Variants in KSR2 observed in about 807,000 individuals in gnomAD.
The protein encoded by KSR2 is kinase suppressor of ras 2.
In KSR2, 25 loss-of-function variants were observed where a neutral mutation model predicts 107.8. The observed-to-expected ratio is 0.23, with a 90% CI of 0.17 to 0.32. KSR2 has a LOEUF of 0.32. Ranked by LOEUF, KSR2 falls within the 10% of genes least tolerant of loss-of-function variation. KSR2 has a pLI of 1.00. For synonymous variants in KSR2, 480 were observed against 507.0 expected (o/e 0.95, Z 0.71); for missense variants, 887 against 1,268.9 (o/e 0.70, Z 4.57).
chr12:117,877,661 T>A (rs1893902730), intron 1 of KSR2, among the ~76,000 whole-genome samples: 1 of 152,000 alleles, frequency 6.6e-6, no homozygotes, highest in Admixed American at 6.6e-5. Context: ...AAGCACAGAG[T>A]AACAATGGAA....
chr12:117,662,906 G>A (rs994840581), intron 5 of KSR2, among the ~76,000 whole-genome samples: 5 of 152,176 alleles, frequency 3.3e-5, no homozygotes, highest in Non-Finnish European at 7.3e-5. Flanking sequence ...TGAATGAGTC[G>A]CAGGAGCTTC....
chr12:117,821,507 T>C lies in KSR2; in HGVS notation c.472+33921A>G, dbSNP rs977523132. ...TGTAGGAATACGTATATTCATAACATACAAAATATGTGTTAACTGACTTCA... is the reference window on the plus strand; with the variant it reads ...TGTAGGAATACGTATATTCATAACACACAAAATATGTGTTAACTGACTTCA... On this transcript the variant is annotated intron_variant, in intron 3 of 19. Coordinates refer to ENST00000339824, the MANE Select transcript of KSR2 (RefSeq NM_173598.6). 7.2e-5 allele frequency among the ~76,000 whole-genome samples: 11 copies of C among 152,334 alleles called. No homozygotes were observed. The East Asian group carries it at 2.1e-3, about 29-fold the overall frequency.
intron 1 of KSR2, among the ~76,000 whole-genome samples, chr12:117,941,807 T>TC (rs1896018563): frequency 6.8e-6 from 1 of 146,674 alleles, no homozygotes; most frequent in South Asian, 2.2e-4. Context: ...TTTTTTTTTT[T>TC]TTTTTTTGCA....
At chr12:117,880,778 C>T (rs1032798441) in intron 1 of KSR2, among the ~76,000 whole-genome samples, 2 of 150,792 alleles carry the variant, frequency 1.3e-5, no homozygotes, top group Admixed American at 1.3e-4. Context: ...AGCGATTCTC[C>T]CACCTCAGCC....
chr12:117,799,459 T>A (rs1890751993), intron 3 of KSR2, among the ~76,000 whole-genome samples: 1 of 147,716 alleles, frequency 6.8e-6, no homozygotes, highest in Non-Finnish European at 1.5e-5. Flanking sequence ...CGAGATCGCA[T>A]CACTGCACTC....
chr12:117,905,639 G>GTTT (rs1415801327), intron 1 of KSR2, among the ~76,000 whole-genome samples: 1 of 152,174 alleles, frequency 6.6e-6, no homozygotes. Context: ...GGCTGTGATT[G>GTTT]TATCTGCTTC....
At chr12:117,848,961 T>C (rs1356387456) in intron 3 of KSR2, among the ~76,000 whole-genome samples, 1 of 152,144 alleles carries the variant, frequency 6.6e-6, no homozygotes, top group African/African-American at 2.4e-5. Context: ...CACATGATCA[T>C]CATCCCCATC....
chr12:117,671,184 C>T (rs1435832205), intron 4 of KSR2, among the ~76,000 whole-genome samples: 1 of 152,216 alleles, frequency 6.6e-6, no homozygotes, highest in Admixed American at 6.5e-5. Flanking sequence ...GATGTCCTCT[C>T]CTCCAGGAAG....
At chr12:117,535,236 G>A (rs1421776219) in intron 10 of KSR2, among the ~76,000 whole-genome samples, 2 of 152,172 alleles carry the variant, frequency 1.3e-5, no homozygotes, top group Non-Finnish European at 2.9e-5. Context: ...GCAGCCCTGG[G>A]CAGTGCATGA....
chr12:117,750,904 C>T (rs1486432500), intron 4 of KSR2, among the ~76,000 whole-genome samples: 2 of 152,134 alleles, frequency 1.3e-5, no homozygotes, highest in African/African-American at 4.8e-5. Context: ...ATCCGATCCA[C>T]CATGGATGGG....
chr12:117,789,309 G>C (rs1890180441), intron 3 of KSR2, among the ~76,000 whole-genome samples: 1 of 152,220 alleles, frequency 6.6e-6, no homozygotes, highest in Non-Finnish European at 1.5e-5. Context: ...GTCAGTAATT[G>C]TGACCAGAGA....
chr12:117,907,141 G>C lies in KSR2; in HGVS notation c.181-46710C>G, dbSNP rs1386973789. ...AATTCTATTATCCCCCCTTTGGATA[G>C]ATGGGGAAGCTGAAGCTCACGGAGA... is the stretch of plus-strand genomic sequence containing the variant. On this transcript the variant is annotated intron_variant, in intron 1 of 19. Coordinates refer to ENST00000339824, the MANE Select transcript of KSR2 (RefSeq NM_173598.6). This position sits in a 1 kb window ranked among gnomAD's most constrained non-coding sequence, Gnocchi z 4.3. Among the ~76,000 whole-genome samples, 4 of 152,194 alleles carry C rather than the reference G, an allele frequency of 2.6e-5. No individual in the cohort carries two copies. The highest frequency in any genetic ancestry group is 9.6e-5 in the African/African-American group (4 of 41,452).
chr12:117,512,900 T>C (rs1874119336), intron 14 of KSR2, among the ~76,000 whole-genome samples: 2 of 152,132 alleles, frequency 1.3e-5, no homozygotes, highest in Admixed American at 6.5e-5. Flanking sequence ...TTGCTGCCCA[T>C]AGGCAGAAGG....
At chr12:117,625,265 A>G (rs1243277124) in intron 5 of KSR2, among the ~76,000 whole-genome samples, 1 of 152,192 alleles carries the variant, frequency 6.6e-6, no homozygotes, top group Non-Finnish European at 1.5e-5. Context: ...GAGAGAGGGC[A>G]TCCCTGACTT....
At chr12:117,747,687 C>T (rs1266205281) in intron 4 of KSR2, among the ~76,000 whole-genome samples, 1 of 152,002 alleles carries the variant, frequency 6.6e-6, no homozygotes, top group South Asian at 2.1e-4. Context: ...AATGACCAAT[C>T]GATTTATGAA....
chr12:117,603,121 C>T (rs1344201062), intron 5 of KSR2, among the ~76,000 whole-genome samples: 1 of 152,150 alleles, frequency 6.6e-6, no homozygotes, highest in Non-Finnish European at 1.5e-5. Context: ...TATCAAGATA[C>T]CTGGTGACAG....
At chr12:117,861,033 G>C (rs1390307918) in intron 1 of KSR2, among the ~76,000 whole-genome samples, 1 of 151,976 alleles carries the variant, frequency 6.6e-6, no homozygotes, top group African/African-American at 2.4e-5. Context: ...CACATGCTTT[G>C]ATCCAACAAT....
At chr12:117,808,341 C>T (rs190406731) in intron 3 of KSR2, among the ~76,000 whole-genome samples, 109 of 152,290 alleles carry the variant, frequency 7.2e-4, no homozygotes, top group African/African-American at 2.5e-3. Flanking sequence ...TCTTAGCCTA[C>T]AGTATCCACC....
At chr12:117,679,489 C>T (rs1171463548) in intron 4 of KSR2, among the ~76,000 whole-genome samples, 1 of 152,238 alleles carries the variant, frequency 6.6e-6, no homozygotes, top group Non-Finnish European at 1.5e-5. Flanking sequence ...ATAGAAGACA[C>T]AGCTTCCATT....
Sources: gnomAD v4.1 joint callset for allele counts (sites outside exome capture counted in the v4.1 genomes callset) on GRCh38, gnomAD v4.1.1 for gene constraint, Gnocchi (gnomAD v3.1) non-coding constraint, MANE v1.5 for transcripts, NCBI Gene and HGNC (gene_info 2026-07-23, HGNC 2026-07-21) for gene names.